The following CNTNAP3B variants were observed in gnomAD, a reference collection of about 807,000 sequenced individuals.
CNTNAP3B encodes the protein contactin-associated protein-like 3B.
Under a neutral mutation model 108.9 loss-of-function variants are expected in CNTNAP3B, and 25 were observed. The ratio of observed to expected loss-of-function variants is 0.23; its 90% confidence interval spans 0.17 to 0.32. The LOEUF (loss-of-function observed/expected upper bound fraction) is 0.32. CNTNAP3B is among the 10% of genes least tolerant of loss of function. The pLI, the probability that CNTNAP3B is intolerant of heterozygous loss-of-function variation, is 1.00. For synonymous variants in CNTNAP3B, 103 were observed against 473.4 expected (o/e 0.22, Z 10.16); for missense variants, 252 against 1,210.4 (o/e 0.21, Z 11.75).
chr9:41,926,942 G>A (rs1214510360), intron 15 of CNTNAP3B, among the ~76,000 whole-genome samples: 2 of 152,310 alleles, frequency 1.3e-5, no homozygotes, highest in Admixed American at 1.3e-4. Flanking sequence ...AGTGTTTGAT[G>A]TCAGAGTATC....
intron 2 of CNTNAP3B, among the ~76,000 whole-genome samples, chr9:42,080,296 T>G (rs1266865975): frequency 7.4e-6 from 1 of 135,988 alleles, no homozygotes; most frequent in Non-Finnish European, 1.6e-5. Flanking sequence ...GAAGTAGTAC[T>G]TAAATGCAAA....
At chr9:42,071,364 A>T (rs1330620536) in intron 3 of CNTNAP3B, among the ~76,000 whole-genome samples, 1 of 142,036 alleles carries the variant, frequency 7.0e-6, no homozygotes, top group Non-Finnish European at 1.5e-5. Context: ...AATTTCAGAA[A>T]TACTGAATAG....
At position 42,051,470 on chromosome 9, in the gene CNTNAP3B, G is replaced by GA. The variant is rs1171682478; in HGVS notation, c.390+25398dup. ...GCTTAAGGAATTTAGCTCAGATGAA[G>GA]AAAAAAAATCTTAGTATTAAGATTC... On this transcript the variant is annotated intron_variant, in intron 3 of 23. Transcript: ENST00000377561. Among the ~76,000 whole-genome samples the GA allele has an allele frequency of 3.3e-4, 27 of 82,654 alleles. No homozygotes were observed. In the South Asian group the frequency reaches 9.5e-3, roughly 29 times the overall value. The allele number at this position is 82,654 out of a possible 152,430, so 54.2% of individuals were successfully genotyped here.
chr9:41,943,402 G>A (rs1587129097), intron 13 of CNTNAP3B, among the ~76,000 whole-genome samples: 3 of 148,108 alleles, frequency 2.0e-5, no homozygotes, highest in Admixed American at 1.4e-4. Context: ...GCTCAGGCTG[G>A]AGTGCAGTGG....
At chr9:41,952,940 T>C (rs1824736669) in intron 13 of CNTNAP3B, among the ~76,000 whole-genome samples, 1 of 152,106 alleles carries the variant, frequency 6.6e-6, no homozygotes, top group Non-Finnish European at 1.5e-5. Flanking sequence ...TTTCCCTTGA[T>C]TAAGAAAGGA....
chr9:41,988,743 CT>C, intron 8 of CNTNAP3B, among the ~76,000 whole-genome samples: 1 of 108,046 alleles, frequency 9.3e-6, no homozygotes, highest in Non-Finnish European at 2.0e-5. Flanking sequence ...TAACATCTTA[CT>C]GATTCCCTCA....
chr9:42,111,047 C>T (rs1244107169), intron 1 of CNTNAP3B, among the ~76,000 whole-genome samples: 1 of 138,496 alleles, frequency 7.2e-6, no homozygotes, highest in Non-Finnish European at 1.5e-5. Context: ...CATCTCACTC[C>T]ATGGGGTCTG....
At chr9:42,126,878 T>G (rs1329619292) in intron 1 of CNTNAP3B, among the ~76,000 whole-genome samples, 1 of 139,028 alleles carries the variant, frequency 7.2e-6, no homozygotes, top group Non-Finnish European at 1.5e-5. Flanking sequence ...CCTAGAGAGC[T>G]CTTCCCATGA....
chr9:41,931,441 T>C (rs1823974821), intron 14 of CNTNAP3B, among the ~76,000 whole-genome samples: 2 of 152,294 alleles, frequency 1.3e-5, no homozygotes, highest in Admixed American at 6.5e-5. Context: ...TTTGTACCCA[T>C]TAATCAACTT....
rs1047710959 is a variant in CNTNAP3B, at chr9:42,109,013, T to A, written c.86-4274A>T. ...TTTTTACCACATGAATATGAAATGATTAAAAAATCAATTTGAGGAATTGCC... is the reference window on the plus strand; with the variant it reads ...TTTTTACCACATGAATATGAAATGAATAAAAAATCAATTTGAGGAATTGCC... On this transcript the variant is annotated intron_variant, in intron 1 of 23. Coordinates refer to ENST00000377561, the MANE Select transcript of CNTNAP3B (RefSeq NM_001201380.3). 3.6e-5 allele frequency among the ~76,000 whole-genome samples: 5 copies of A among 139,356 alleles called. 1 individual carries two copies. The highest frequency in any genetic ancestry group is 1.4e-4 in the African/African-American group (5 of 35,158). The allele number at this position is 139,356 out of a possible 152,430, so 91.4% of individuals were successfully genotyped here.
chr9:42,120,840 G>C lies in CNTNAP3B; in HGVS notation c.85+8170C>G, dbSNP rs1173950091. Among the ~76,000 whole-genome samples the C allele has an allele frequency of 4.9e-5, 4 of 81,292 alleles. 1 individual carries two copies. The highest frequency in any genetic ancestry group is 6.6e-5 in the Non-Finnish European group (3 of 45,758). 53.3% of individuals were successfully genotyped at this position (81,292 alleles called of 152,430 possible). A position where few individuals can be genotyped will look rare whatever the true frequency, so the allele number is the denominator to read the frequency against. ...ACTGTCGCGGGGTGGGGGGAGGGGG[G>C]AGGGATAGCATTAGGAGATATACCT... On this transcript the variant is annotated intron_variant, in intron 1 of 23. Coordinates refer to ENST00000377561, the MANE Select transcript of CNTNAP3B (RefSeq NM_001201380.3).
rs1400923108 is a variant in CNTNAP3B at position 42,047,793 on chromosome 9, C to G, written c.390+29076G>C. Among the ~76,000 whole-genome samples, 3 of 114,520 alleles carry G rather than the reference C, an allele frequency of 2.6e-5. 1 individual carries two copies. The highest frequency in any genetic ancestry group is 1.1e-4 in the African/African-American group (3 of 26,934). 75.1% of individuals were successfully genotyped at this position (114,520 alleles called of 152,430 possible). On this transcript the variant is annotated intron_variant, in intron 3 of 23. Coordinates refer to ENST00000377561, the MANE Select transcript of CNTNAP3B (RefSeq NM_001201380.3). ...CTTTCTCCCTCTCTTGGTTGGTTCT[C>G]TGTTTGTGATAGTGTTTTAGGACCA...
At chr9:41,967,970 G>A (rs1293304545) in intron 10 of CNTNAP3B, among the ~76,000 whole-genome samples, 1 of 152,244 alleles carries the variant, frequency 6.6e-6, no homozygotes, top group Non-Finnish European at 1.5e-5. Context: ...ACAATTTGGA[G>A]GCCTTTTTAA....
chr9:42,030,042 G>A (rs1252608837), intron 3 of CNTNAP3B, among the ~76,000 whole-genome samples: 1 of 49,318 alleles, frequency 2.0e-5, no homozygotes, highest in East Asian at 8.2e-4. Context: ...TTCTGGGGAG[G>A]CTGAGACAGG....
intron 15 of CNTNAP3B, among the ~76,000 whole-genome samples, chr9:41,928,273 T>C (rs1283037357): frequency 9.5e-3 from 1,447 of 151,540 alleles, no homozygotes; most frequent in South Asian, 0.036. Context: ...AGTGTCAGAA[T>C]ATTTGCATTG....
Position 42,012,150 on chromosome 9 carries a change from C to T in CNTNAP3B, c.538+1228G>A, listed in dbSNP as rs543514207. ...CAAATCGCCATCAAAGAGCATGTTC[C>T]ACTTTGGAGTCAGTAAACCTGAAGT... On this transcript the variant is annotated intron_variant, in intron 4 of 23. Transcript: ENST00000377561. Among the ~76,000 whole-genome samples, 8 of 100,566 alleles carry T rather than the reference C, an allele frequency of 8.0e-5. 3 individuals are homozygous for T. The highest frequency in any genetic ancestry group is 2.6e-4 in the African/African-American group (7 of 26,752). 66.0% of individuals were successfully genotyped at this position (100,566 alleles called of 152,430 possible).
chr9:42,118,004 T>A (rs1226397009), intron 1 of CNTNAP3B, among the ~76,000 whole-genome samples: 4 of 133,156 alleles, frequency 3.0e-5, no homozygotes, highest in South Asian at 2.4e-4. Context: ...AATAGACCAA[T>A]AACAGGCTCT....
intron 2 of CNTNAP3B, among the ~76,000 whole-genome samples, chr9:42,094,691 GA>G (rs1414638446): frequency 1.4e-5 from 1 of 70,334 alleles, no homozygotes; most frequent in African/African-American, 6.0e-5. Flanking sequence ...GAGGGGAAAA[GA>G]AAAAAAGAGG....
At chr9:42,078,777 C>A (rs1362305101) in intron 2 of CNTNAP3B, among the ~76,000 whole-genome samples, 1 of 147,534 alleles carries the variant, frequency 6.8e-6, no homozygotes, top group South Asian at 2.1e-4. Flanking sequence ...TTTATGTGAG[C>A]CCCTGCCAGA....
Sources: allele counts gnomAD v4.1 joint callset (sites outside exome capture counted in the v4.1 genomes callset), GRCh38; gene constraint gnomAD v4.1.1; transcripts MANE v1.5; gene names NCBI Gene and HGNC (gene_info 2026-07-23, HGNC 2026-07-21).